ZC2HC1C: variants seen among roughly 807,000 people sequenced by gnomAD.
ZC2HC1C encodes the protein zinc finger C2HC-type containing 1C.
Under a neutral mutation model 39.2 loss-of-function variants are expected in ZC2HC1C, and 25 were observed. The observed-to-expected ratio is 0.64, with a 90% CI of 0.47 to 0.89. ZC2HC1C has a LOEUF of 0.89. Among genes scored for constraint, ZC2HC1C ranks in the 40% least tolerant of loss-of-function variants. ZC2HC1C has a pLI of 0.00. For synonymous variants in ZC2HC1C, 209 were observed against 214.4 expected, an observed-to-expected ratio of 0.97 and a Z score of 0.22; for missense variants, 519 against 548.6, an observed-to-expected ratio of 0.95 and a Z score of 0.54.
rs374036003 is a variant in ZC2HC1C at position 75,078,278 on chromosome 14, A to G, written c.*714A>G. ...ATAAAAGATAATACAATTTTGCTATAAGGCATTATTAATGGAAATCTATCC... is the reference window on the plus strand; with the variant it reads ...ATAAAAGATAATACAATTTTGCTATGAGGCATTATTAATGGAAATCTATCC... On this transcript the variant is annotated 3_prime_UTR_variant, in exon 3 of 3. Coordinates refer to ENST00000524913, the MANE Select transcript of ZC2HC1C (RefSeq NM_024643.4). 4 of 152,238 alleles carry G rather than the reference A, an allele frequency of 2.6e-5. No individual in the cohort carries two copies. The highest frequency in any genetic ancestry group is 7.2e-5 in the African/African-American group (3 of 41,436). The allele number at this position is 152,238 out of a possible 1,614,324, so 9.4% of individuals were successfully genotyped here. A position where few individuals can be genotyped will look rare whatever the true frequency, so the allele number is the denominator to read the frequency against.
chr14:75,079,282 T>C lies in ZC2HC1C; in HGVS notation c.*1718T>C, dbSNP rs1347786353. On this transcript the variant is annotated 3_prime_UTR_variant, in exon 3 of 3. Transcript: ENST00000524913. The stretch of plus-strand genomic sequence containing the variant: ...GATCAGACCAATTTGAAATGTGAGT[T>C]AAGGCTTTAGCGGTGAAGCTGCAGG... 6.6e-6 allele frequency: 1 copy of C among 151,206 alleles called. No individual in the cohort carries two copies. Among genetic ancestry groups the C allele is most frequent in the Non-Finnish European group, 1.5e-5 (1 of 67,920 alleles). The allele number at this position is 151,206 out of a possible 1,614,324, so 9.4% of individuals were successfully genotyped here.
rs1893791917 is a variant in ZC2HC1C at position 75,079,049 on chromosome 14, T to A, written c.*1485T>A. ...GAAATCTTAGGATTACTGTTCTGTA[T>A]TACTCAAATTGTTAGTTTAAAATAC... On this transcript the variant is annotated 3_prime_UTR_variant, in exon 3 of 3. Transcript: ENST00000524913. 2 of 152,092 alleles carry A rather than the reference T, an allele frequency of 1.3e-5. No individual in the cohort carries two copies. 9.4% of individuals were successfully genotyped at this position (152,092 alleles called of 1,614,324 possible). A position where few individuals can be genotyped will look rare whatever the true frequency, so the allele number is the denominator to read the frequency against.
intron 2 of ZC2HC1C, among the ~76,000 whole-genome samples, chr14:75,075,729 A>G (rs567655750): frequency 7.9e-5 from 12 of 152,308 alleles, no homozygotes; most frequent in African/African-American, 2.9e-4. Flanking sequence ...TGTGACCTTT[A>G]ATTCTAGGAA....
At chr14:75,070,454 A>C in intron 1 of ZC2HC1C, 101 bp from the exon 2 acceptor site, 1 of 1,383,942 alleles carries the variant, frequency 7.2e-7, no homozygotes, top group South Asian at 1.4e-5. Flanking sequence ...GAAAAGTTTA[A>C]GGGAATGTGG....
chr14:75,071,179 G>A lies in ZC2HC1C; in HGVS notation c.606G>A (p.Val202=). The stretch of plus-strand genomic sequence containing the variant: ...CTGCCACGCAGGCGGAGAAGGCCGT[G>A]GCAAACTTTGACAGGACGGAGTGGG... ...VLAATQAEKA[V]ANFDRTEWVQ... Residue 202 remains valine (V), a synonymous_variant, in exon 2 of 3, where the codon GTG becomes GTA. Transcript: ENST00000524913. 6.2e-7 allele frequency: 1 copy of A among 1,614,190 alleles called. No individual in the cohort carries two copies. Among genetic ancestry groups the A allele is most frequent in the Non-Finnish European group, 8.5e-7 (1 of 1,180,040 alleles).
intron 2 of ZC2HC1C, chr14:75,073,660 C>A (rs1254707916): frequency 7.9e-7 from 1 of 1,272,878 alleles, no homozygotes; most frequent in Non-Finnish European, 1.0e-6. Context: ...ATCCTTTAAT[C>A]TTCACGTAAC....
chr14:75,071,532 ATTAT>A lies in ZC2HC1C; in HGVS notation c.960_963del (p.Asp320GlufsTer12). On this transcript the variant is annotated frameshift_variant, in exon 2 of 3. Transcript: ENST00000524913. LOFTEE classifies it high-confidence loss of function. ...AATTCAGGTCCATTCCAGTTCTCTG[ATTAT>A]AGAATCCAGAGGCTCAAAAGGGAAA... is the stretch of plus-strand genomic sequence containing the variant. 6.2e-7 allele frequency: 1 copy of A among 1,614,138 alleles called. No homozygotes were observed. The highest frequency in any genetic ancestry group is 8.5e-7 in the Non-Finnish European group (1 of 1,180,020).
Position 75,071,762 on chromosome 14 carries a change from A to C in ZC2HC1C, c.1189A>C (p.Lys397Gln), listed in dbSNP as rs887439277. The change falls in exon 2 of 3, where the codon AAA becomes CAA. Residue 397 changes from lysine (K) to glutamine (Q), a missense_variant. Coordinates refer to ENST00000524913, the MANE Select transcript of ZC2HC1C (RefSeq NM_024643.4). Reference sequence around the variant, plus strand: ...GGGTGAGTGCAGCCACTGTGGGCGCAAATTCCTCTCGTTCAGGCTGGAGAG... The same window carrying C: ...GGGTGAGTGCAGCCACTGTGGGCGCCAATTCCTCTCGTTCAGGCTGGAGAG... ...QLGECSHCGR[K>Q]FLSFRLERHS... 4 of 1,614,052 alleles carry C rather than the reference A, an allele frequency of 2.5e-6. No individual in the cohort carries two copies. In the African/African-American group the frequency reaches 5.3e-5, roughly 22 times the overall value.
chr14:75,075,613 A>G (rs964119492), intron 2 of ZC2HC1C, among the ~76,000 whole-genome samples: 2 of 152,214 alleles, frequency 1.3e-5, no homozygotes, highest in Non-Finnish European at 2.9e-5. Flanking sequence ...CCATTACAAG[A>G]AACCTTTTTT....
intron 2 of ZC2HC1C, 143 bp from the exon 3 acceptor site, chr14:75,077,389 G>A: frequency 1.0e-5 from 11 of 1,094,284 alleles, no homozygotes; most frequent in Non-Finnish European, 1.4e-5. Flanking sequence ...ACGCTGGCAA[G>A]TCAGTTACCG....
intron 2 of ZC2HC1C, among the ~76,000 whole-genome samples, chr14:75,076,517 G>C (rs915337707): frequency 1.3e-5 from 2 of 152,058 alleles, no homozygotes; most frequent in Non-Finnish European, 2.9e-5. Flanking sequence ...ATCTCCCCAC[G>C]TTGGCCTCCC....
chr14:75,073,291 C>T (rs1233714264), intron 2 of ZC2HC1C, among the ~76,000 whole-genome samples: 2 of 152,108 alleles, frequency 1.3e-5, no homozygotes, highest in Non-Finnish European at 2.9e-5. Flanking sequence ...ACTGTTTTTT[C>T]CTGTTTTCTT....
Position 75,071,483 on chromosome 14 carries a change from G to A in ZC2HC1C, c.910G>A (p.Glu304Lys). The change falls in exon 2 of 3, where the codon GAA becomes AAA. Residue 304 changes from glutamate (E) to lysine (K), a missense_variant. Transcript: ENST00000524913. ...ATTTAGTAGAGACAGGAGAGAGGAT[G>A]AAACTTGGGGACGGTCTCAACAAAA... is the stretch of plus-strand genomic sequence containing the variant. ...EEFSRDRRED[E>K]TWGRSQQNSG... 6.2e-7 allele frequency: 1 copy of A among 1,614,180 alleles called. No homozygotes were observed. The highest frequency in any genetic ancestry group is 8.5e-7 in the Non-Finnish European group (1 of 1,180,040).
intron 2 of ZC2HC1C, 42 bp from the exon 3 acceptor site, chr14:75,077,490 T>C: frequency 1.2e-6 from 2 of 1,613,496 alleles, no homozygotes; most frequent in Non-Finnish European, 1.7e-6. Flanking sequence ...AGGAAGGAGA[T>C]AGGTGCCAAC....
chr14:75,076,170 ACTTT>A (rs1237315735), intron 2 of ZC2HC1C, among the ~76,000 whole-genome samples: 4 of 152,126 alleles, frequency 2.6e-5, no homozygotes, highest in African/African-American at 4.8e-5. Context: ...TCCAGGATTA[ACTTT>A]CTAATTTTCT....
chr14:75,073,803 G>GC (rs1437009941), intron 2 of ZC2HC1C, among the ~76,000 whole-genome samples: 2 of 152,156 alleles, frequency 1.3e-5, no homozygotes, highest in African/African-American at 4.8e-5. Context: ...AAAATTATAG[G>GC]AATTAGAGTA....
At chr14:75,076,407 T>C (rs1893671007) in intron 2 of ZC2HC1C, among the ~76,000 whole-genome samples, 1 of 152,068 alleles carries the variant, frequency 6.6e-6, no homozygotes, top group Non-Finnish European at 1.5e-5. Context: ...TAGCTGGGAC[T>C]ACAGGCGTGT....
At position 75,079,836 on chromosome 14, in the gene ZC2HC1C, G is replaced by A. The variant is rs576808745; in HGVS notation, c.*2272G>A. The A allele has an allele frequency of 1.1e-4, 16 of 152,294 alleles. No individual in the cohort carries two copies. Among genetic ancestry groups the A allele is most frequent in the African/African-American group, 3.9e-4 (16 of 41,540 alleles). 9.4% of individuals were successfully genotyped at this position (152,294 alleles called of 1,614,324 possible). A position where few individuals can be genotyped will look rare whatever the true frequency, so the allele number is the denominator to read the frequency against. On this transcript the variant is annotated 3_prime_UTR_variant, in exon 3 of 3. Transcript: ENST00000524913. Reference sequence around the variant, plus strand: ...TTACCTTATCTGCCTGGTACCACAGGCACTTGGATTTGGGATCGCTGGATG... The same window carrying A: ...TTACCTTATCTGCCTGGTACCACAGACACTTGGATTTGGGATCGCTGGATG...
In ZC2HC1C at chr14:75,077,861, G is replaced by A. The variant is rs377004760; in HGVS notation, c.*297G>A. 25 of 345,882 alleles carry A rather than the reference G, an allele frequency of 7.2e-5. No individual in the cohort carries two copies. Among genetic ancestry groups the A allele is most frequent in the African/African-American group, 4.7e-4 (22 of 47,308 alleles). 21.4% of individuals were successfully genotyped at this position (345,882 alleles called of 1,614,324 possible). On this transcript the variant is annotated 3_prime_UTR_variant, in exon 3 of 3. Coordinates refer to ENST00000524913, the MANE Select transcript of ZC2HC1C (RefSeq NM_024643.4). Reference sequence around the variant, plus strand: ...TGCTTCTCTTCAGCAGTAAATGGGAGTAGAATTTGATGCAAAGCAGAAAGA... The same window carrying A: ...TGCTTCTCTTCAGCAGTAAATGGGAATAGAATTTGATGCAAAGCAGAAAGA...
Sources: allele counts gnomAD v4.1 joint callset (sites outside exome capture counted in the v4.1 genomes callset), GRCh38; gene constraint gnomAD v4.1.1; transcripts MANE v1.5; gene names NCBI Gene and HGNC (gene_info 2026-07-23, HGNC 2026-07-21).